MSRA: variants seen among roughly 807,000 people sequenced by gnomAD.
MSRA encodes methionine sulfoxide reductase A.
In MSRA, 54 loss-of-function variants were observed where a neutral mutation model predicts 31.3. That is an observed-to-expected ratio of 1.73 (90% CI 1.39 to 2.17). The LOEUF (loss-of-function observed/expected upper bound fraction) is 2.17. Ranked by LOEUF, MSRA falls within the 30% of genes most tolerant of loss-of-function variation. The pLI is 0.00. For synonymous variants in MSRA, 169 were observed against 116.5 expected (o/e 1.45, Z -2.90); for missense variants, 507 against 300.9 (o/e 1.69, Z -5.07).
chr8:10,165,843 C>G (rs946813687), intron 1 of MSRA, among the ~76,000 whole-genome samples: 2 of 152,074 alleles, frequency 1.3e-5, no homozygotes, highest in Admixed American at 6.5e-5. Context: ...AAACACCATT[C>G]TCAGTTTTAA....
intron 3 of MSRA, among the ~76,000 whole-genome samples, chr8:10,289,227 A>T (rs1800102027): frequency 6.6e-6 from 1 of 151,864 alleles, no homozygotes; most frequent in Non-Finnish European, 1.5e-5. Flanking sequence ...GTTGGCCAGG[A>T]TGGTCTTGAT....
At chr8:10,390,869 G>C (rs935617818) in intron 5 of MSRA, among the ~76,000 whole-genome samples, 1 of 152,014 alleles carries the variant, frequency 6.6e-6, no homozygotes, top group Non-Finnish European at 1.5e-5. Flanking sequence ...CCACCTACTC[G>C]GGAGGCTGAG....
intron 1 of MSRA, among the ~76,000 whole-genome samples, chr8:10,179,713 T>G (rs143953181): frequency 6.6e-6 from 1 of 152,196 alleles, no homozygotes; most frequent in Non-Finnish European, 1.5e-5. Flanking sequence ...CAAACCTCAG[T>G]TTATCTGGCT....
At chr8:10,201,273 A>G (rs891118592) in intron 1 of MSRA, among the ~76,000 whole-genome samples, 1 of 152,116 alleles carries the variant, frequency 6.6e-6, no homozygotes, top group South Asian at 2.1e-4. Flanking sequence ...AGCATGCGGT[A>G]TGGGTTGGGT....
chr8:10,149,049 A>G (rs1232433212), intron 1 of MSRA, among the ~76,000 whole-genome samples: 4 of 149,966 alleles, frequency 2.7e-5, no homozygotes, highest in Non-Finnish European at 4.4e-5. Context: ...TCTGCCTCCC[A>G]GGTTCCAGTG....
intron 1 of MSRA, among the ~76,000 whole-genome samples, chr8:10,168,002 T>G (rs117442669): frequency 6.6e-6 from 1 of 152,174 alleles, no homozygotes; most frequent in Admixed American, 6.5e-5. Context: ...CTTGACTGTT[T>G]CTGATCTTTA....
intron 5 of MSRA, among the ~76,000 whole-genome samples, chr8:10,326,857 G>A (rs1363971549): frequency 6.6e-6 from 1 of 152,212 alleles, no homozygotes; most frequent in Non-Finnish European, 1.5e-5. Flanking sequence ...TAAACTGAAT[G>A]TGGCCTCCGG....
At chr8:10,144,723 C>T (rs1802994495) in intron 1 of MSRA, among the ~76,000 whole-genome samples, 1 of 151,716 alleles carries the variant, frequency 6.6e-6, no homozygotes, top group African/African-American at 2.4e-5. Context: ...TATGTTGATC[C>T]AGTGTGTATC....
chr8:10,109,017 G>T (rs954576853), intron 1 of MSRA, among the ~76,000 whole-genome samples: 4 of 152,196 alleles, frequency 2.6e-5, no homozygotes, highest in Non-Finnish European at 4.4e-5. Context: ...TGAACAGATG[G>T]AGAAGGGTTT....
intron 1 of MSRA, among the ~76,000 whole-genome samples, chr8:10,090,037 A>G (rs1170098646): frequency 6.6e-6 from 1 of 152,192 alleles, no homozygotes; most frequent in Non-Finnish European, 1.5e-5. Context: ...CAGCAGCATG[A>G]AAGGGGATGA....
At chr8:10,364,097 C>T (rs928368117) in intron 5 of MSRA, among the ~76,000 whole-genome samples, 2 of 152,106 alleles carry the variant, frequency 1.3e-5, no homozygotes, top group African/African-American at 4.8e-5. Flanking sequence ...ACCTAGAGAC[C>T]CTTTGCTCAT....
intron 5 of MSRA, among the ~76,000 whole-genome samples, chr8:10,404,778 C>G (rs986551158): frequency 1.2e-4 from 18 of 152,230 alleles, no homozygotes; most frequent in African/African-American, 3.6e-4. Flanking sequence ...CCCATTTCCC[C>G]CAGGCCACCC....
chr8:10,283,192 T>G (rs2129108373), intron 3 of MSRA, among the ~76,000 whole-genome samples: 1 of 143,330 alleles, frequency 7.0e-6, no homozygotes, highest in Middle Eastern at 3.7e-3. Flanking sequence ...GGGAAAGGTT[T>G]GTTGCAGAAG....
chr8:10,382,377 A>G (rs1235253974), intron 5 of MSRA, among the ~76,000 whole-genome samples: 3 of 152,094 alleles, frequency 2.0e-5, no homozygotes, highest in Non-Finnish European at 4.4e-5. Context: ...CTCCCAACCC[A>G]CACTGCTGGA....
At chr8:10,353,588 G>T (rs12547210) in intron 5 of MSRA, 8,599 of 456,050 alleles carry the variant, frequency 0.019, 960 homozygotes, top group Admixed American at 0.17. Flanking sequence ...CCTCTGTACC[G>T]TCTTTCTAGC....
At chr8:10,356,584 G>C (rs1436802041) in intron 5 of MSRA, among the ~76,000 whole-genome samples, 1 of 152,216 alleles carries the variant, frequency 6.6e-6, no homozygotes, top group Non-Finnish European at 1.5e-5. Context: ...GATGGGATTA[G>C]TAGGTGATGA....
At chr8:10,317,992 T>C (rs1308717113) in intron 4 of MSRA, among the ~76,000 whole-genome samples, 2 of 152,186 alleles carry the variant, frequency 1.3e-5, no homozygotes, top group East Asian at 3.9e-4. Flanking sequence ...TGTCAGACCT[T>C]GTCCTGCCTC....
At chr8:10,062,392 C>G (rs1192061358) in intron 1 of MSRA, among the ~76,000 whole-genome samples, 1 of 152,212 alleles carries the variant, frequency 6.6e-6, no homozygotes, top group African/African-American at 2.4e-5. Context: ...TTATCTTCCT[C>G]ACATCATAAA....
At chr8:10,339,656 C>G (rs931897350) in intron 5 of MSRA, among the ~76,000 whole-genome samples, 1 of 150,972 alleles carries the variant, frequency 6.6e-6, no homozygotes, top group African/African-American at 2.4e-5. Flanking sequence ...ATTCTCCTGC[C>G]TCAGCCTCCC....
Sources: allele counts gnomAD v4.1 joint callset (sites outside exome capture counted in the v4.1 genomes callset), GRCh38; gene constraint gnomAD v4.1.1; transcripts MANE v1.5; gene names NCBI Gene and HGNC (gene_info 2026-07-23, HGNC 2026-07-21).